The following PTPRD variants were observed in gnomAD, a reference collection of about 807,000 sequenced individuals.
The protein encoded by PTPRD is receptor-type tyrosine-protein phosphatase delta.
In PTPRD, 34 loss-of-function variants were observed where a neutral mutation model predicts 214.5. The ratio of observed to expected loss-of-function variants is 0.16; its 90% CI spans 0.12 to 0.21. PTPRD has a LOEUF of 0.21. PTPRD is among the 10% of genes least tolerant of loss of function. The pLI, the probability that PTPRD is intolerant of heterozygous loss-of-function variation, is 1.00. For missense variants in PTPRD, 2,545 were observed against 2,398.7 expected (o/e 1.06, Z -1.27); for synonymous variants, 1,128 against 845.7 (o/e 1.33, Z -5.79).
chr9:9,163,751 T>C (rs1354175699), intron 10 of PTPRD, among the ~76,000 whole-genome samples: 1 of 152,204 alleles, frequency 6.6e-6, no homozygotes, highest in Non-Finnish European at 1.5e-5. Context: ...CTCAGTACGT[T>C]AAGCAGCCTC....
rs61416170 is a variant in PTPRD at position 9,279,268 on chromosome 9, T to C, written c.-202-95905A>G. Among the ~76,000 whole-genome samples, 391 of 149,272 alleles carry C rather than the reference T, an allele frequency of 2.6e-3. 4 individuals carry two copies. The highest frequency in any genetic ancestry group is 9.1e-3 in the African/African-American group (374 of 41,020). ...TAAGAATATGTGAATGAAGAATGTG[T>C]ACATATATATACACAGATGTTATAT... is the stretch of plus-strand genomic sequence containing the variant. On this transcript the variant is annotated intron_variant, in intron 9 of 45. Transcript: ENST00000381196.
At chr9:8,568,388 A>C (rs2090074467) in intron 14 of PTPRD, among the ~76,000 whole-genome samples, 1 of 152,136 alleles carries the variant, frequency 6.6e-6, no homozygotes, top group South Asian at 2.1e-4. Context: ...TTACCTGTCA[A>C]TAGCAATGAC....
chr9:9,773,093 T>C (rs1314844079), intron 5 of PTPRD, among the ~76,000 whole-genome samples: 1 of 152,180 alleles, frequency 6.6e-6, no homozygotes, highest in Non-Finnish European at 1.5e-5. Context: ...CATATGAATA[T>C]CAAGTGAATT....
intron 10 of PTPRD, chr9:9,090,999 G>A: frequency 4.5e-6 from 7 of 1,569,872 alleles, no homozygotes; most frequent in Non-Finnish European, 5.2e-6. Flanking sequence ...CCAAGGACAA[G>A]GCCATTAAGA....
chr9:10,191,923 A>C (rs906905383), intron 3 of PTPRD, among the ~76,000 whole-genome samples: 3 of 152,172 alleles, frequency 2.0e-5, no homozygotes, highest in Non-Finnish European at 4.4e-5. Context: ...ATAAGTTCCC[A>C]AGACTCACTG....
In PTPRD at chr9:8,317,614, T is replaced by G. The variant is rs1365495413; in HGVS notation, c.*260A>C. 1 of 346,490 alleles carries G rather than the reference T, an allele frequency of 2.9e-6. No homozygotes were observed. Among genetic ancestry groups the G allele is most frequent in the Admixed American group, 4.0e-5 (1 of 25,112 alleles). 21.5% of individuals were successfully genotyped at this position (346,490 alleles called of 1,614,324 possible). A position where few individuals can be genotyped will look rare whatever the true frequency, so the allele number is the denominator to read the frequency against. Reference sequence around the variant, plus strand: ...TCTTCTTCCCTTGATTTTGAATCCTTGAGGTATCTGTAAATAAAATCCTTC... The same window carrying G: ...TCTTCTTCCCTTGATTTTGAATCCTGGAGGTATCTGTAAATAAAATCCTTC... On this transcript the variant is annotated 3_prime_UTR_variant, in exon 46 of 46. Transcript: ENST00000381196.
chr9:10,034,567 C>T (rs2097143978), intron 3 of PTPRD, among the ~76,000 whole-genome samples: 1 of 151,816 alleles, frequency 6.6e-6, no homozygotes, highest in Non-Finnish European at 1.5e-5. Flanking sequence ...TGATCCTCTC[C>T]CTCCTCTCAA....
chr9:8,733,882 T>A lies in PTPRD; in HGVS notation c.-39A>T, dbSNP rs2098688518. On this transcript the variant is annotated 5_prime_UTR_variant, in exon 12 of 46. Transcript: ENST00000381196. ...AGCAGCGTGCGCGAGCAGCTTGGAATCACTGCCTCCGGAGCCGCAGCGAGT... is the reference window on the plus strand; with the variant it reads ...AGCAGCGTGCGCGAGCAGCTTGGAAACACTGCCTCCGGAGCCGCAGCGAGT... 15 of 1,545,856 alleles carry A rather than the reference T, an allele frequency of 9.7e-6. No individual in the cohort carries two copies. The highest frequency in any genetic ancestry group is 1.3e-5 in the Non-Finnish European group (15 of 1,144,788).
At chr9:9,133,873 G>A (rs183561492) in intron 10 of PTPRD, among the ~76,000 whole-genome samples, 2 of 152,164 alleles carry the variant, frequency 1.3e-5, no homozygotes, top group Admixed American at 1.3e-4. Context: ...AATTTACCCA[G>A]ACCACAACAG....
chr9:8,738,015 T>C (rs1238072117), intron 11 of PTPRD, among the ~76,000 whole-genome samples: 1 of 152,034 alleles, frequency 6.6e-6, no homozygotes, highest in African/African-American at 2.4e-5. Flanking sequence ...AAAATACAAT[T>C]TCAAAAAATT....
rs1951570403 is a variant in PTPRD at position 9,292,648 on chromosome 9, G to GTTAT, written c.-203+104797_-203+104800dup. On this transcript the variant is annotated intron_variant, in intron 9 of 45. Transcript: ENST00000381196. ...TCCATACTTTATTCAGATTGCCTTA[G>GTTAT]TTATTACCTAATGTCCTTTTTCTGT... 7.9e-5 allele frequency among the ~76,000 whole-genome samples: 12 copies of GTTAT among 151,308 alleles called. No individual in the cohort carries two copies. In the Admixed American group the frequency reaches 7.9e-4, roughly 10 times the overall value.
In PTPRD at chr9:10,341,928, G is replaced by A. The variant is rs1400282982; in HGVS notation, c.-599-911C>T. Among the ~76,000 whole-genome samples, 4 of 151,932 alleles carry A rather than the reference G, an allele frequency of 2.6e-5. No homozygotes were observed. In the East Asian group the frequency reaches 7.8e-4, roughly 29 times the overall value. On this transcript the variant is annotated intron_variant, in intron 2 of 45. Coordinates refer to ENST00000381196, the MANE Select transcript of PTPRD (RefSeq NM_002839.4). ...AATCTTAGCAACTCAACTTTTTAATGGTATCTTTCACAGTGGTTTCTAGCT... is the reference window on the plus strand; with the variant it reads ...AATCTTAGCAACTCAACTTTTTAATAGTATCTTTCACAGTGGTTTCTAGCT...
chr9:10,093,985 C>T (rs1364479028), intron 3 of PTPRD, among the ~76,000 whole-genome samples: 1 of 151,312 alleles, frequency 6.6e-6, no homozygotes, highest in Non-Finnish European at 1.5e-5. Flanking sequence ...CTATAGGGTA[C>T]TATGCTCACT....
chr9:8,891,197 G>T (rs1368657680), intron 11 of PTPRD, among the ~76,000 whole-genome samples: 1 of 145,894 alleles, frequency 6.9e-6, no homozygotes, highest in Non-Finnish European at 1.5e-5. Flanking sequence ...GCAGTGGTGC[G>T]ATCTCCACTC....
At chr9:9,622,307 T>C (rs1252776051) in intron 7 of PTPRD, among the ~76,000 whole-genome samples, 2 of 152,216 alleles carry the variant, frequency 1.3e-5, no homozygotes, top group African/African-American at 4.8e-5. Context: ...AAGACACATA[T>C]ACCACGCAAT....
intron 9 of PTPRD, among the ~76,000 whole-genome samples, chr9:9,304,094 A>G (rs1419473303): frequency 1.3e-5 from 2 of 152,088 alleles, no homozygotes; most frequent in Non-Finnish European, 2.9e-5. Flanking sequence ...ATTCATTCCA[A>G]AATGGTTATT....
rs866744364 is a variant in PTPRD at position 10,483,460 on chromosome 9, C to G, written c.-600+128938G>C. ...TTAAACTAAAAAAGTTTCTGTACAG[C>G]AAAAGAAATAATCGTCAGGGTAAAG... On this transcript the variant is annotated intron_variant, in intron 2 of 45. Coordinates refer to ENST00000381196, the MANE Select transcript of PTPRD (RefSeq NM_002839.4). Among the ~76,000 whole-genome samples the G allele has an allele frequency of 4.6e-5, 7 of 151,018 alleles. No homozygotes were observed. In the South Asian group the frequency reaches 1.3e-3, roughly 27 times the overall value.
chr9:9,139,487 C>A (rs1219109068), intron 10 of PTPRD, among the ~76,000 whole-genome samples: 2 of 152,004 alleles, frequency 1.3e-5, no homozygotes, highest in Non-Finnish European at 2.9e-5. Context: ...TAACTCATAA[C>A]AAAATAGAAC....
At chr9:10,417,309 T>C (rs1385441803) in intron 2 of PTPRD, among the ~76,000 whole-genome samples, 1 of 151,918 alleles carries the variant, frequency 6.6e-6, no homozygotes, top group Non-Finnish European at 1.5e-5. Context: ...GGGTGAACAT[T>C]GATTTTTAGA....
Sources: gnomAD v4.1 joint callset for allele counts (sites outside exome capture counted in the v4.1 genomes callset) on GRCh38, gnomAD v4.1.1 for gene constraint, MANE v1.5 for transcripts, NCBI Gene and HGNC (gene_info 2026-07-23, HGNC 2026-07-21) for gene names.